Variants in MOCOS observed in about 807,000 individuals in gnomAD.
MOCOS encodes molybdenum cofactor sulfurase, also known as human molybdenum cofactor sulfurase.
In MOCOS, 86 loss-of-function variants were observed where a neutral mutation model predicts 83.6. The ratio of observed to expected loss-of-function variants is 1.03; its 90% CI spans 0.86 to 1.23. The LOEUF (loss-of-function observed/expected upper bound fraction) is 1.23. MOCOS is among the 50% of genes most tolerant of loss of function. The probability of loss-of-function intolerance (pLI) is 0.00; values close to 1 mark genes in which losing one functional copy is unlikely to be tolerated. For synonymous variants in MOCOS, 445 were observed against 434.7 expected (o/e 1.02, Z -0.29); for missense variants, 1,120 against 1,126.9 (o/e 0.99, Z 0.09).
intron 9 of MOCOS, 45 bp downstream of exon 9, chr18:36,220,262 C>A: frequency 6.2e-7 from 1 of 1,606,680 alleles, no homozygotes; most frequent in Non-Finnish European, 8.5e-7. Context: ...CCAACAGCAG[C>A]TTTTATATTC....
chr18:36,263,026 T>C (rs1157713167), intron 13 of MOCOS, among the ~76,000 whole-genome samples: 1 of 152,164 alleles, frequency 6.6e-6, no homozygotes, highest in East Asian at 1.9e-4. Flanking sequence ...GGAGGATTGC[T>C]TGAGCCTGGG....
At chr18:36,240,449 G>A (rs1372983041) in intron 9 of MOCOS, among the ~76,000 whole-genome samples, 1 of 150,492 alleles carries the variant, frequency 6.6e-6, no homozygotes, top group East Asian at 1.9e-4. Flanking sequence ...GGCTGCTCGG[G>A]GGTCAGGGGT....
At chr18:36,192,310 T>C (rs941056164) in intron 1 of MOCOS, among the ~76,000 whole-genome samples, 1 of 152,200 alleles carries the variant, frequency 6.6e-6, no homozygotes, top group African/African-American at 2.4e-5. Flanking sequence ...TTTCTATACA[T>C]TGGCAATAGA....
intron 9 of MOCOS, among the ~76,000 whole-genome samples, chr18:36,242,461 C>T (rs1196104558): frequency 6.6e-6 from 1 of 152,208 alleles, no homozygotes; most frequent in Non-Finnish European, 1.5e-5. Context: ...GCCCTCCAAA[C>T]TGTTCTAACC....
At chr18:36,234,069 C>T (rs1056429815) in intron 9 of MOCOS, among the ~76,000 whole-genome samples, 1 of 152,114 alleles carries the variant, frequency 6.6e-6, no homozygotes. Context: ...GTTTTAGTTG[C>T]ATTTACTTTT....
intron 6 of MOCOS, among the ~76,000 whole-genome samples, chr18:36,206,367 C>A (rs1326596358): frequency 6.6e-6 from 1 of 151,336 alleles, no homozygotes; most frequent in Non-Finnish European, 1.5e-5. Context: ...TCACCTCAGC[C>A]TCCTAAACAG....
Position 36,271,659 on chromosome 18 carries a change from T to C in MOCOS, c.*2974T>C, listed in dbSNP as rs1248888569. The C allele has an allele frequency of 6.6e-6, 1 of 152,170 alleles. No individual in the cohort carries two copies. Among genetic ancestry groups the C allele is most frequent in the East Asian group, 1.9e-4 (1 of 5,194 alleles). The allele number at this position is 152,170 out of a possible 1,614,324, so 9.4% of individuals were successfully genotyped here. On this transcript the variant is annotated 3_prime_UTR_variant, in exon 15 of 15. Coordinates refer to ENST00000261326, the MANE Select transcript of MOCOS (RefSeq NM_017947.4). The stretch of plus-strand genomic sequence containing the variant: ...ACAAAAAGTCCTTTTTTAAAAAAAC[T>C]TGGTGAGAACAGACAATAACTTGTC...
chr18:36,200,372 T>A, intron 4 of MOCOS, 48 bp downstream of exon 4: 1 of 1,606,830 alleles, frequency 6.2e-7, no homozygotes, highest in African/African-American at 1.3e-5. Flanking sequence ...CAAGGTGGGG[T>A]CTGGCCTGTT....
intron 9 of MOCOS, among the ~76,000 whole-genome samples, chr18:36,222,664 C>T (rs891180304): frequency 1.3e-5 from 2 of 150,670 alleles, no homozygotes; most frequent in Admixed American, 1.3e-4. Flanking sequence ...TACAGTGGCG[C>T]GATCTTGGCT....
chr18:36,260,008 T>A, intron 12 of MOCOS, 29 bp from the exon 13 acceptor site: 1 of 1,613,854 alleles, frequency 6.2e-7, no homozygotes. Flanking sequence ...ATCCTCCCCC[T>A]ACTTACTCTT....
chr18:36,248,999 A>G lies in MOCOS; in HGVS notation c.2038A>G (p.Arg680Gly). ...TCGCCAAAGCAGGGTCTGTGCTGAC[A>G]GGTGAGACTCTGAAGCACGTGAAAA... is the stretch of plus-strand genomic sequence containing the variant. ...QIRQSRVCAD[R>G]VSTYDCGEKI... The change falls in exon 10 of 15, where the codon AGA becomes GGA. Residue 680 changes from arginine (R) to glycine (G), a missense_variant and splice_region_variant. Transcript: ENST00000261326. 1 of 1,613,986 alleles carries G rather than the reference A, an allele frequency of 6.2e-7. No homozygotes were observed. The highest frequency in any genetic ancestry group is 8.5e-7 in the Non-Finnish European group (1 of 1,179,852).
At chr18:36,191,779 A>C (rs550459256) in intron 1 of MOCOS, among the ~76,000 whole-genome samples, 9 of 152,138 alleles carry the variant, frequency 5.9e-5, no homozygotes, top group African/African-American at 2.2e-4. Context: ...CATGTGAGCC[A>C]TATGTCTCAC....
chr18:36,194,286 C>G (rs2091378168), intron 1 of MOCOS, among the ~76,000 whole-genome samples: 1 of 152,038 alleles, frequency 6.6e-6, no homozygotes. Flanking sequence ...TGTTATATCT[C>G]AATAAAGCTG....
chr18:36,256,590 C>A (rs987611034), intron 11 of MOCOS, among the ~76,000 whole-genome samples: 4 of 151,964 alleles, frequency 2.6e-5, no homozygotes, highest in African/African-American at 9.7e-5. Flanking sequence ...GCAGGGATTA[C>A]AGGTGTGTAC....
intron 7 of MOCOS, among the ~76,000 whole-genome samples, chr18:36,214,519 T>A (rs2091468423): frequency 1.3e-5 from 2 of 152,062 alleles, no homozygotes; most frequent in African/African-American, 4.8e-5. Context: ...CCACCCTCCC[T>A]GTCTCTTCCC....
chr18:36,208,838 G>T (rs2091443797), intron 6 of MOCOS, among the ~76,000 whole-genome samples: 1 of 152,182 alleles, frequency 6.6e-6, no homozygotes, highest in African/African-American at 2.4e-5. Context: ...TGTTGAAAAG[G>T]AGTGGTGAGA....
intron 9 of MOCOS, among the ~76,000 whole-genome samples, chr18:36,235,972 G>A (rs1162595933): frequency 1.3e-4 from 20 of 150,960 alleles, no homozygotes; most frequent in Non-Finnish European, 2.1e-4. Flanking sequence ...ACTTTTTGAT[G>A]GGGTTGTTTG....
At chr18:36,223,620 C>T (rs2091504893) in intron 9 of MOCOS, among the ~76,000 whole-genome samples, 1 of 152,118 alleles carries the variant, frequency 6.6e-6, no homozygotes, top group Non-Finnish European at 1.5e-5. Context: ...CTTTCTATTT[C>T]TGTAAAAAAA....
rs546507946 is a variant in MOCOS, at chr18:36,229,617, T to G, written c.1960+9400T>G. Among the ~76,000 whole-genome samples, 3 of 152,282 alleles carry G rather than the reference T, an allele frequency of 2.0e-5. No individual in the cohort carries two copies. In the East Asian group the frequency reaches 5.8e-4, roughly 29 times the overall value. Reference sequence around the variant, plus strand: ...TTCTTTTCTCACTCTTTTCAAAGTTTTAGACTCCCATAATGTATATATTGG... The same window carrying G: ...TTCTTTTCTCACTCTTTTCAAAGTTGTAGACTCCCATAATGTATATATTGG... On this transcript the variant is annotated intron_variant, in intron 9 of 14. Coordinates refer to ENST00000261326, the MANE Select transcript of MOCOS (RefSeq NM_017947.4).
Sources: allele counts gnomAD v4.1 joint callset (sites outside exome capture counted in the v4.1 genomes callset), GRCh38; gene constraint gnomAD v4.1.1; transcripts MANE v1.5; gene names NCBI Gene and HGNC (gene_info 2026-07-23, HGNC 2026-07-21).